The following MGMT variants were observed in gnomAD, a reference collection of about 807,000 sequenced individuals.
MGMT encodes the protein methylated-DNA--protein-cysteine methyltransferase.
MGMT carries 14 observed loss-of-function variants against 15.9 expected under a neutral mutation model. That is an observed-to-expected ratio of 0.88 (90% CI 0.58 to 1.37). MGMT has a LOEUF of 1.37. Among genes scored for constraint, MGMT ranks in the 40% most tolerant of loss-of-function variants. The pLI is 0.00. For missense variants in MGMT, 282 were observed against 268.1 expected, an observed-to-expected ratio of 1.05 and a Z score of -0.36; for synonymous variants, 130 against 118.2, an observed-to-expected ratio of 1.10 and a Z score of -0.65.
At chr10:129,564,388 C>CTCT in intron 2 of MGMT, among the ~76,000 whole-genome samples, 1 of 56,082 alleles carries the variant, frequency 1.8e-5, no homozygotes, top group African/African-American at 7.5e-5. Context: ...CTCTCCCCTC[C>CTCT]CCCTCCTCCT....
intron 1 of MGMT, among the ~76,000 whole-genome samples, chr10:129,524,015 T>C (rs914181430): frequency 1.3e-5 from 2 of 152,216 alleles, no homozygotes; most frequent in Admixed American, 6.5e-5. Flanking sequence ...AAGTGTCCAT[T>C]GTGACCTGTG....
intron 4 of MGMT, among the ~76,000 whole-genome samples, chr10:129,762,863 A>G (rs1377386751): frequency 2.0e-5 from 3 of 152,016 alleles, no homozygotes; most frequent in Middle Eastern, 3.2e-3. Context: ...TGACCAGAAG[A>G]AAAAAACGCA....
intron 2 of MGMT, among the ~76,000 whole-genome samples, chr10:129,545,781 G>T (rs962201993): frequency 1.4e-4 from 21 of 152,156 alleles, no homozygotes; most frequent in Non-Finnish European, 2.8e-4. Flanking sequence ...TGCAACTAAT[G>T]AATAGTTTTC....
intron 2 of MGMT, among the ~76,000 whole-genome samples, chr10:129,695,879 T>C (rs1285873995): frequency 6.6e-6 from 1 of 152,154 alleles, no homozygotes; most frequent in Admixed American, 6.6e-5. Context: ...TACTCGGCAC[T>C]TTGCTCTTCC....
intron 2 of MGMT, among the ~76,000 whole-genome samples, chr10:129,623,484 A>G (rs1300395253): frequency 6.6e-6 from 1 of 152,056 alleles, no homozygotes; most frequent in Non-Finnish European, 1.5e-5. Context: ...CCTGGCATGC[A>G]TTGCTTTCTT....
At chr10:129,714,056 G>A (rs1848264292) in intron 3 of MGMT, among the ~76,000 whole-genome samples, 1 of 152,228 alleles carries the variant, frequency 6.6e-6, no homozygotes, top group African/African-American at 2.4e-5. Flanking sequence ...AGCTGCTCCA[G>A]GTTGGGGGCT....
chr10:129,742,655 C>T (rs2133173101), intron 3 of MGMT, among the ~76,000 whole-genome samples: 1 of 150,236 alleles, frequency 6.7e-6, no homozygotes, highest in South Asian at 2.1e-4. Flanking sequence ...GGGCATTCAG[C>T]AGTGCCCCAC....
At chr10:129,578,817 G>T (rs1846518895) in intron 2 of MGMT, among the ~76,000 whole-genome samples, 1 of 152,202 alleles carries the variant, frequency 6.6e-6, no homozygotes. Context: ...CTCCCAAGTT[G>T]TAATAATTTA....
chr10:129,601,745 C>T (rs1308791252), intron 2 of MGMT, among the ~76,000 whole-genome samples: 1 of 152,138 alleles, frequency 6.6e-6, no homozygotes, highest in Non-Finnish European at 1.5e-5. Flanking sequence ...TTGGGGAGAC[C>T]GTCAGGGAAG....
chr10:129,664,796 C>T (rs1847638634), intron 2 of MGMT, among the ~76,000 whole-genome samples: 1 of 152,186 alleles, frequency 6.6e-6, no homozygotes, highest in Non-Finnish European at 1.5e-5. Flanking sequence ...AACATTGGAA[C>T]AGGCACTTCA....
intron 1 of MGMT, among the ~76,000 whole-genome samples, chr10:129,515,288 C>T (rs1258709277): frequency 6.6e-6 from 1 of 152,176 alleles, no homozygotes; most frequent in African/African-American, 2.4e-5. Flanking sequence ...CAGCTGCGGC[C>T]CTGGGAGCCC....
At chr10:129,671,831 A>G (rs1193861849) in intron 2 of MGMT, among the ~76,000 whole-genome samples, 3 of 152,234 alleles carry the variant, frequency 2.0e-5, no homozygotes, top group Non-Finnish European at 2.9e-5. Context: ...TGCAGCATTC[A>G]TGTAGAACTG....
chr10:129,625,799 C>T (rs1001353054), intron 2 of MGMT, among the ~76,000 whole-genome samples: 12 of 152,186 alleles, frequency 7.9e-5, no homozygotes, highest in African/African-American at 2.7e-4. Context: ...CTCCATGTTT[C>T]TTCCAGTACT....
chr10:129,718,021 A>T (rs1848320157), intron 3 of MGMT, among the ~76,000 whole-genome samples: 1 of 152,186 alleles, frequency 6.6e-6, no homozygotes, highest in Non-Finnish European at 1.5e-5. Flanking sequence ...CTGTCAACCC[A>T]TGTGCTGTGA....
intron 3 of MGMT, among the ~76,000 whole-genome samples, chr10:129,719,902 A>G (rs1848349466): frequency 6.6e-6 from 1 of 152,174 alleles, no homozygotes; most frequent in South Asian, 2.1e-4. Context: ...CAAAAGAAAT[A>G]CCTGCTTATT....
chr10:129,653,852 G>A (rs111725080), intron 2 of MGMT, among the ~76,000 whole-genome samples: 1 of 152,206 alleles, frequency 6.6e-6, no homozygotes, highest in African/African-American at 2.4e-5. Flanking sequence ...AGAGTGTCAG[G>A]TGGGCTAGGG....
chr10:129,743,509 C>G (rs1351460366), intron 3 of MGMT, among the ~76,000 whole-genome samples: 1 of 152,166 alleles, frequency 6.6e-6, no homozygotes, highest in Non-Finnish European at 1.5e-5. Flanking sequence ...ACAGAGGTGT[C>G]TGTGTTTCAC....
At chr10:129,714,608 A>G (rs1848272147) in intron 3 of MGMT, among the ~76,000 whole-genome samples, 1 of 152,194 alleles carries the variant, frequency 6.6e-6, no homozygotes, top group African/African-American at 2.4e-5. Flanking sequence ...GCACACGCAC[A>G]CACATACCCT....
intron 1 of MGMT, among the ~76,000 whole-genome samples, chr10:129,485,593 G>C (rs2119643958): frequency 6.6e-6 from 1 of 152,324 alleles, no homozygotes; most frequent in African/African-American, 2.4e-5. Flanking sequence ...ATGCTTATTG[G>C]AGCATTTTGG....
Sources: allele counts gnomAD v4.1 joint callset (sites outside exome capture counted in the v4.1 genomes callset), GRCh38; gene constraint gnomAD v4.1.1; transcripts MANE v1.5; gene names NCBI Gene and HGNC (gene_info 2026-07-23, HGNC 2026-07-21).